The following NEK6 variants were observed in gnomAD, a reference collection of about 807,000 sequenced individuals.
The protein encoded by NEK6 is serine/threonine-protein kinase Nek6.
In NEK6, 27 loss-of-function variants were observed where a neutral mutation model predicts 43.5. That is an observed-to-expected ratio of 0.62 (90% confidence interval 0.46 to 0.86). The LOEUF (loss-of-function observed/expected upper bound fraction) is 0.86. Ranked by LOEUF, NEK6 falls within the 40% of genes least tolerant of loss-of-function variation. The pLI, the probability that NEK6 is intolerant of heterozygous loss-of-function variation, is 0.00. For missense variants in NEK6, 318 were observed against 414.4 expected, an observed-to-expected ratio of 0.77 and a Z score of 2.02; for synonymous variants, 167 against 164.1, an observed-to-expected ratio of 1.02 and a Z score of -0.14.
chr9:124,281,511 T>C (rs1220043202), intron 1 of NEK6, among the ~76,000 whole-genome samples: 1 of 143,726 alleles, frequency 7.0e-6, no homozygotes, highest in Non-Finnish European at 1.5e-5. Flanking sequence ...TTTTTTTTTT[T>C]TTTTTTGGAG....
Position 124,311,966 on chromosome 9 carries a change from G to A in NEK6, c.91-543G>A, listed in dbSNP as rs1030779740. ...CTCCCAAAATGCTGGGATTACAGGC[G>A]TGAGCCACCACACCTGGCCAAGGCT... On this transcript the variant is annotated intron_variant, in intron 2 of 9. Transcript: ENST00000320246. Among the ~76,000 whole-genome samples the A allele has an allele frequency of 8.5e-5, 13 of 152,316 alleles. No individual in the cohort carries two copies. The East Asian group carries it at 1.4e-3, about 16-fold the overall frequency.
At chr9:124,332,687 A>G (rs759482148) in intron 7 of NEK6, among the ~76,000 whole-genome samples, 1 of 152,166 alleles carries the variant, frequency 6.6e-6, no homozygotes, top group Non-Finnish European at 1.5e-5. Context: ...GCTAATGAAC[A>G]TGTTTCAAAC....
In NEK6 at chr9:124,352,515, G is replaced by A. The variant is rs1830323818; in HGVS notation, c.*1568G>A. 1 of 152,296 alleles carries A rather than the reference G, an allele frequency of 6.6e-6. No homozygotes were observed. 9.4% of individuals were successfully genotyped at this position (152,296 alleles called of 1,614,324 possible). On this transcript the variant is annotated 3_prime_UTR_variant, in exon 10 of 10. Transcript: ENST00000320246. ...AGCGTCTGCAGCACAATTTCTTGAG[G>A]AACCTTGAAAAACACAACTTCCCAG...
chr9:124,316,670 G>A (rs375852236), intron 4 of NEK6, among the ~76,000 whole-genome samples: 25 of 152,300 alleles, frequency 1.6e-4, no homozygotes, highest in Admixed American at 9.8e-4. Context: ...CTGTGGACCC[G>A]TGGCTGATCC....
chr9:124,272,952 G>A (rs1254495183), intron 1 of NEK6, among the ~76,000 whole-genome samples: 1 of 152,194 alleles, frequency 6.6e-6, no homozygotes, highest in African/African-American at 2.4e-5. Flanking sequence ...CTTGGCAGCA[G>A]AAAAACCAAA....
intron 1 of NEK6, among the ~76,000 whole-genome samples, chr9:124,295,203 C>T (rs1037247570): frequency 3.9e-5 from 6 of 152,346 alleles, no homozygotes; most frequent in East Asian, 1.9e-4. Flanking sequence ...GCCAGGCTTC[C>T]GCTGTCATGG....
At chr9:124,268,262 C>T (rs1831300578) in intron 1 of NEK6, among the ~76,000 whole-genome samples, 1 of 152,148 alleles carries the variant, frequency 6.6e-6, no homozygotes, top group African/African-American at 2.4e-5. Flanking sequence ...GTCATTATCC[C>T]TCATTCATTT....
At chr9:124,325,820 A>C (rs527975483) in intron 5 of NEK6, among the ~76,000 whole-genome samples, 23 of 152,376 alleles carry the variant, frequency 1.5e-4, no homozygotes, top group Admixed American at 2.6e-4. Flanking sequence ...GCGTTTGTTA[A>C]GAATTCCAGT....
intron 1 of NEK6, among the ~76,000 whole-genome samples, chr9:124,264,814 C>CAAAA (rs372219790): frequency 6.8e-5 from 6 of 88,666 alleles, no homozygotes; most frequent in African/African-American, 1.7e-4. Context: ...GACTCTGTAT[C>CAAAA]AAAAAAAAAA....
At chr9:124,288,832 CCT>C (rs200959749) in intron 1 of NEK6, among the ~76,000 whole-genome samples, 2,609 of 152,222 alleles carry the variant, frequency 0.017, 76 homozygotes, top group African/African-American at 0.059. Context: ...GAGCTTGCTG[CCT>C]CTCCACCTCC....
intron 1 of NEK6, among the ~76,000 whole-genome samples, chr9:124,271,127 C>T (rs1205157180): frequency 6.6e-6 from 1 of 152,258 alleles, no homozygotes; most frequent in African/African-American, 2.4e-5. Flanking sequence ...TCATCCGGAG[C>T]CTCTGGTGCC....
rs565331502 is a variant in NEK6, at chr9:124,308,950, T to A, written c.91-3559T>A. On this transcript the variant is annotated intron_variant, in intron 2 of 9. Transcript: ENST00000320246. ...GGAGCTGACCCAGGAGCGGGGGAGG[T>A]CTTGGAGGTGGCGACGGAGCAGCCA... Among the ~76,000 whole-genome samples, 5 of 151,662 alleles carry A rather than the reference T, an allele frequency of 3.3e-5. No individual in the cohort carries two copies. The South Asian group carries it at 1.0e-3, about 32-fold the overall frequency.
At chr9:124,297,528 A>G (rs998321658) in intron 1 of NEK6, among the ~76,000 whole-genome samples, 6 of 152,352 alleles carry the variant, frequency 3.9e-5, no homozygotes, top group Admixed American at 3.9e-4. Flanking sequence ...GGGGACACAC[A>G]GCACACGGCA....
At chr9:124,348,903 G>A (rs113581391) in intron 9 of NEK6, among the ~76,000 whole-genome samples, 28 of 152,358 alleles carry the variant, frequency 1.8e-4, no homozygotes, top group Non-Finnish European at 2.9e-4. Flanking sequence ...TAAAAAGACC[G>A]GTGAGGCAGG....
chr9:124,285,118 C>CCCAG (rs1439985327), intron 1 of NEK6, among the ~76,000 whole-genome samples: 1 of 152,194 alleles, frequency 6.6e-6, no homozygotes, highest in Non-Finnish European at 1.5e-5. Flanking sequence ...GGAAGGCAAG[C>CCCAG]CCAGGTTTTG....
chr9:124,290,862 C>G (rs1420113499), intron 1 of NEK6, among the ~76,000 whole-genome samples: 1 of 152,232 alleles, frequency 6.6e-6, no homozygotes, highest in African/African-American at 2.4e-5. Context: ...GGGTCCTTTT[C>G]CTGAGCAGCT....
At position 124,270,691 on chromosome 9, in the gene NEK6, T is replaced by G. The variant is rs568403468; in HGVS notation, c.-30+12606T>G. On this transcript the variant is annotated intron_variant, in intron 1 of 9. Transcript: ENST00000320246. ...CCTGCCCCCGACCCTCCTGCCTGCA[T>G]CCGGGCCCCTGCTGCAGGTAACGGG... Among the ~76,000 whole-genome samples, 136 of 152,322 alleles carry G rather than the reference T, an allele frequency of 8.9e-4. 1 individual carries two copies. Among genetic ancestry groups the G allele is most frequent in the Non-Finnish European group, 1.7e-3 (116 of 68,024 alleles).
intron 1 of NEK6, among the ~76,000 whole-genome samples, chr9:124,291,140 C>T (rs1832399358): frequency 2.0e-5 from 3 of 152,194 alleles, no homozygotes; most frequent in Non-Finnish European, 4.4e-5. Context: ...GTCATGTAAC[C>T]CACCAGCACC....
At chr9:124,349,259 C>A (rs1205261169) in intron 9 of NEK6, among the ~76,000 whole-genome samples, 2 of 152,246 alleles carry the variant, frequency 1.3e-5, no homozygotes, top group African/African-American at 2.4e-5. Flanking sequence ...CATCTCTTTA[C>A]AAAGTTAATA....
Sources: gnomAD v4.1 joint callset for allele counts (sites outside exome capture counted in the v4.1 genomes callset) on GRCh38, gnomAD v4.1.1 for gene constraint, MANE v1.5 for transcripts, NCBI Gene and HGNC (gene_info 2026-07-23, HGNC 2026-07-21) for gene names.